The following TUBGCP2 variants were observed in gnomAD, a reference collection of about 807,000 sequenced individuals.
The protein encoded by TUBGCP2 is tubulin gamma complex component 2, also known as gamma-tubulin complex component 2.
A neutral mutation model predicts 92.2 loss-of-function variants in TUBGCP2; 55 were observed. The ratio of observed to expected loss-of-function variants is 0.60; its 90% CI spans 0.48 to 0.75. The LOEUF (loss-of-function observed/expected upper bound fraction) is 0.75. Ranked by LOEUF, TUBGCP2 falls within the 30% of genes least tolerant of loss-of-function variation. The pLI, the probability that TUBGCP2 is intolerant of heterozygous loss-of-function variation, is 0.00. For synonymous variants in TUBGCP2, 533 were observed against 505.2 expected, an observed-to-expected ratio of 1.06 and a Z score of -0.74; for missense variants, 1,093 against 1,188.9, an observed-to-expected ratio of 0.92 and a Z score of 1.19.
chr10:133,288,320 G>C lies in TUBGCP2; in HGVS notation c.1542-11C>G, dbSNP rs752209929. ...TAGCGCTTGATGGACCTGCGCCAGG[G>C]AGCAGGCGTGAGCAGGTGCCCACCC... On this transcript the variant is annotated splice_polypyrimidine_tract_variant and intron_variant, in intron 10 of 17. Transcript: ENST00000252936. 13 of 1,610,882 alleles carry C rather than the reference G, an allele frequency of 8.1e-6. No homozygotes were observed. Among genetic ancestry groups the C allele is most frequent in the Middle Eastern group, 1.7e-4 (1 of 6,028 alleles).
chr10:133,295,815 G>C (rs780798193), intron 5 of TUBGCP2: 1 of 152,444 alleles, frequency 6.6e-6, no homozygotes, highest in Non-Finnish European at 1.5e-5. Flanking sequence ...CAGGCCCGAG[G>C]TCACACAAGG....
Position 133,285,417 on chromosome 10 carries a change from A to G in TUBGCP2, c.1895+39T>C. The G allele has an allele frequency of 1.2e-6, 2 of 1,612,510 alleles. No homozygotes were observed. The highest frequency in any genetic ancestry group is 8.5e-7 in the Non-Finnish European group (1 of 1,179,658). On this transcript the variant is annotated intron_variant, in intron 12 of 17. Transcript: ENST00000252936. The surrounding 1 kb of genome is among the most constrained non-coding windows in gnomAD (Gnocchi z 6.8). ...ACAGTTCTCGCTTCTGCCAAACCTG[A>G]GTGAAGATCTGGCAGGTGCCCGAGC...
intron 5 of TUBGCP2, among the ~76,000 whole-genome samples, 175 bp from the exon 6 acceptor site, chr10:133,293,944 A>G (rs557689187): frequency 6.6e-6 from 1 of 152,360 alleles, no homozygotes; most frequent in East Asian, 1.9e-4. Flanking sequence ...GCTGAGTTCC[A>G]ACCGCCGCAG....
In TUBGCP2 at chr10:133,291,834, CCATGTCCCTCCGTGTCCCT is replaced by C. The variant is rs1410438326; in HGVS notation, c.1214+646_1214+664del. On this transcript the variant is annotated intron_variant, in intron 8 of 17. Transcript: ENST00000252936. ...TGTCCCCCATGTCCCTCCGTGTCCC[CCATGTCCCTCCGTGTCCCT>C]GTGTCCCGGGGAGCCCTACCTGTAC... is the stretch of plus-strand genomic sequence containing the variant. 1.2e-3 allele frequency among the ~76,000 whole-genome samples: 9 copies of C among 7,322 alleles called. 1 individual carries two copies. Among genetic ancestry groups the C allele is most frequent in the African/African-American group, 2.3e-3 (4 of 1,776 alleles). The allele number at this position is 7,322 out of a possible 152,430, so 4.8% of individuals were successfully genotyped here. A position where few individuals can be genotyped will look rare whatever the true frequency, so the allele number is the denominator to read the frequency against.
At chr10:133,283,549 T>TC (rs1439497526) in intron 14 of TUBGCP2, among the ~76,000 whole-genome samples, 1 of 151,956 alleles carries the variant, frequency 6.6e-6, no homozygotes, top group Non-Finnish European at 1.5e-5. Context: ...CGGCTCAGAG[T>TC]CCCCCTAGGA....
At chr10:133,292,795 G>T in intron 7 of TUBGCP2, 107 bp from the exon 8 acceptor site, 1 of 1,358,786 alleles carries the variant, frequency 7.4e-7, no homozygotes, top group Non-Finnish European at 1.0e-6. Context: ...TTCCTGGGAC[G>T]GTGCTGCTTC....
Position 133,285,533 on chromosome 10 carries a change from C to T in TUBGCP2, c.1818G>A (p.Thr606=), listed in dbSNP as rs760797156. 9 of 1,599,012 alleles carry T rather than the reference C, an allele frequency of 5.6e-6. No homozygotes were observed. The highest frequency in any genetic ancestry group is 2.2e-5 in the East Asian group (1 of 44,530). ...CCTCCAGGCCGCTCAGCGCCAGCTC[C>T]GTGGGGTCGGCGTGCGCCATCGCCT... ...QEKAMAHADP[T]ELALSGLEAF... is the part of the protein sequence containing the mutation. The change falls in exon 12 of 18, where the codon ACG becomes ACA. Residue 606 remains threonine, a synonymous_variant. Coordinates refer to ENST00000252936, the MANE Select transcript of TUBGCP2 (RefSeq NM_006659.4). This position sits in a 1 kb window ranked among gnomAD's most constrained non-coding sequence, Gnocchi z 6.8.
Position 133,283,969 on chromosome 10 carries a change from C to T in TUBGCP2, c.2058G>A (p.Met686Ile). The stretch of plus-strand genomic sequence containing the variant: ...ATTGAATATTCTGGACGAAGTTGAG[C>T]ATTCGCTGCCGCAGAGTGAAAGCCC... ...FAGAFTLRQRMLNFVQNIQYY... is the reference protein window; with the variant it reads ...FAGAFTLRQRILNFVQNIQYY... Residue 686 changes from methionine to isoleucine, a missense_variant, in exon 14 of 18, where the codon ATG (methionine) becomes ATA (isoleucine). Met to Ile is a conservative substitution (Grantham distance 10). Coordinates refer to ENST00000252936, the MANE Select transcript of TUBGCP2 (RefSeq NM_006659.4). 1 of 1,614,118 alleles carries T rather than the reference C, an allele frequency of 6.2e-7. No individual in the cohort carries two copies. The highest frequency in any genetic ancestry group is 2.2e-5 in the East Asian group (1 of 44,888).
chr10:133,293,686 T>C lies in TUBGCP2; in HGVS notation c.700A>G (p.Ser234Gly). ...TGCCTCCCAGCCAGGGGCTGAGCAC[T>C]GACGTACCTCCCGTCCACGCCCACC... ...VLVGVDGRYV[S>G]AQPLAGRQSR... is the part of the protein sequence containing the mutation. The change falls in exon 6 of 18, where the codon AGT (serine) becomes GGT (glycine). Residue 234 changes from serine to glycine, a missense_variant. This residue lies in a region of TUBGCP2 where 490 missense variants were observed against 488.5 expected (regional missense o/e 1.00). Coordinates refer to ENST00000252936, the MANE Select transcript of TUBGCP2 (RefSeq NM_006659.4). The C allele has an allele frequency of 6.2e-7, 1 of 1,603,584 alleles. No homozygotes were observed. Among genetic ancestry groups the C allele is most frequent in the Non-Finnish European group, 8.5e-7 (1 of 1,175,982 alleles).
intron 1 of TUBGCP2, among the ~76,000 whole-genome samples, chr10:133,307,346 G>A (rs370487038): frequency 1.3e-5 from 2 of 152,326 alleles, no homozygotes; most frequent in African/African-American, 2.4e-5. Context: ...ACGGACAAGC[G>A]GGGCACACAC....
At chr10:133,286,593 C>T (rs911785384) in intron 11 of TUBGCP2, among the ~76,000 whole-genome samples, 3 of 151,804 alleles carry the variant, frequency 2.0e-5, no homozygotes, top group Middle Eastern at 3.2e-3. Context: ...CGCACGGAAC[C>T]GAGGGCACAT....
intron 16 of TUBGCP2, 145 bp from the exon 17 acceptor site, chr10:133,281,581 T>C (rs1392321711): frequency 1.1e-5 from 13 of 1,132,526 alleles, no homozygotes; most frequent in Non-Finnish European, 1.6e-5. Flanking sequence ...TTCAGGAGAT[T>C]CAAGGTAAAA....
chr10:133,291,237 C>T (rs968899598), intron 8 of TUBGCP2, among the ~76,000 whole-genome samples: 2 of 114,424 alleles, frequency 1.7e-5, no homozygotes, highest in African/African-American at 5.2e-5. Context: ...GCAGCACGCG[C>T]CCTCCGTGTC....
Position 133,299,948 on chromosome 10 carries a change from G to A in TUBGCP2, c.279+37C>T, listed in dbSNP as rs199908696. The A allele has an allele frequency of 8.6e-4, 1,381 of 1,609,408 alleles. 1 individual carries two copies. Among genetic ancestry groups the A allele is most frequent in the African/African-American group, 3.7e-3 (279 of 74,806 alleles). ...CGCGACCCCACTCCCAACATGGGCC[G>A]TACGGGCGCAGTGTGGCACGTGGCA... is the stretch of plus-strand genomic sequence containing the variant. On this transcript the variant is annotated intron_variant, in intron 3 of 17. Coordinates refer to ENST00000252936, the MANE Select transcript of TUBGCP2 (RefSeq NM_006659.4).
intron 8 of TUBGCP2, 124 bp from the exon 9 acceptor site, chr10:133,290,093 C>T: frequency 7.4e-7 from 1 of 1,350,732 alleles, no homozygotes. Flanking sequence ...AGTAACGTTC[C>T]ACAAGGGCCG....
upstream of TUBGCP2, chr10:133,309,672 A>T: frequency 7.2e-7 from 1 of 1,395,548 alleles, no homozygotes; most frequent in South Asian, 1.2e-5. Flanking sequence ...ATTGCAAAAG[A>T]TGCATAGGGG....
At chr10:133,311,919 C>T, upstream of TUBGCP2, 1 of 1,613,166 alleles carries the variant, frequency 6.2e-7, no homozygotes, top group East Asian at 2.2e-5. Flanking sequence ...ACCTGGGCCG[C>T]AGCTCTTCTC....
rs181925784 is a variant in TUBGCP2 at position 133,282,660 on chromosome 10, G to T, written c.2290-318C>A. On this transcript the variant is annotated intron_variant, in intron 15 of 17. Transcript: ENST00000252936. ...CCGGACCCTCCCCATGGCACTGCCT[G>T]GAGAGCCTCATTCTCAGACCCCTGC... Among the ~76,000 whole-genome samples, 57 of 152,310 alleles carry T rather than the reference G, an allele frequency of 3.7e-4. 1 individual carries two copies. In the East Asian group the frequency reaches 0.01, roughly 27 times the overall value.
chr10:133,294,444 G>A (rs56305006), intron 5 of TUBGCP2, among the ~76,000 whole-genome samples: 9,665 of 152,238 alleles, frequency 0.063, 423 homozygotes, highest in African/African-American at 0.12. Flanking sequence ...TGGCAGCTCA[G>A]GAAGGCTCCG....
Sources: allele counts gnomAD v4.1 joint callset (sites outside exome capture counted in the v4.1 genomes callset), GRCh38; gene constraint gnomAD v4.1.1; regional missense constraint gnomAD v4.1.1; non-coding constraint Gnocchi (gnomAD v3.1); transcripts MANE v1.5; gene names NCBI Gene and HGNC (gene_info 2026-07-23, HGNC 2026-07-21).